The following PRKCB variants were observed in gnomAD, a reference collection of about 807,000 sequenced individuals.
PRKCB encodes the protein protein kinase C beta.
A neutral mutation model predicts 81.5 loss-of-function variants in PRKCB; 13 were observed. That is an observed-to-expected ratio of 0.16 (90% CI 0.10 to 0.25). The LOEUF (loss-of-function observed/expected upper bound fraction) is 0.25, where lower values mean the gene tolerates loss of function less well. Ranked by LOEUF, PRKCB falls within the 10% of genes least tolerant of loss-of-function variation. PRKCB has a pLI of 1.00. For synonymous variants in PRKCB, 335 were observed against 321.4 expected (o/e 1.04, Z -0.45); for missense variants, 509 against 875.7 (o/e 0.58, Z 5.29).
intron 3 of PRKCB, among the ~76,000 whole-genome samples, chr16:24,004,478 C>CAAAAAAAAAAAA (rs71154264): frequency 2.1e-5 from 1 of 47,450 alleles, no homozygotes; most frequent in Admixed American, 2.1e-4. Context: ...CAAGTCTCTA[C>CAAAAAAAAAAAA]AAAAAAAAAA....
rs141235659 is a variant in PRKCB at position 23,900,243 on chromosome 16, G to A, written c.205+62837G>A. ...GAGAAACCTTGATCTAACTGCTTAT[G>A]ACATACCACTTCCATAAAGCCGAGA... On this transcript the variant is annotated intron_variant, in intron 2 of 16. Transcript: ENST00000643927. 1.8e-3 allele frequency among the ~76,000 whole-genome samples: 274 copies of A among 152,230 alleles called. 2 individuals are homozygous for A. The highest frequency in any genetic ancestry group is 6.3e-3 in the African/African-American group (261 of 41,540).
In PRKCB at chr16:23,857,584, C is replaced by A. The variant is rs570450566; in HGVS notation, c.205+20178C>A. On this transcript the variant is annotated intron_variant, in intron 2 of 16. Transcript: ENST00000643927. ...TGGCCTCTCTGTGTTTCCCTTCTGG[C>A]CGTCTCTGATTTGGGGCCCAAGGGC... Among the ~76,000 whole-genome samples, 3 of 152,292 alleles carry A rather than the reference C, an allele frequency of 2.0e-5. No homozygotes were observed. In the East Asian group the frequency reaches 5.8e-4, roughly 29 times the overall value.
intron 2 of PRKCB, among the ~76,000 whole-genome samples, chr16:23,866,972 TC>T (rs1169181856): frequency 2.2e-5 from 2 of 89,128 alleles, no homozygotes; most frequent in African/African-American, 4.7e-5. Flanking sequence ...TTCCTTCCCT[TC>T]CTTCCCTTCC....
intron 10 of PRKCB, among the ~76,000 whole-genome samples, chr16:24,168,675 C>T (rs1207342727): frequency 5.4e-5 from 8 of 148,896 alleles, no homozygotes; most frequent in African/African-American, 1.7e-4. Context: ...CTCAGCCTCC[C>T]GAGTAGCTGG....
At position 24,165,941 on chromosome 16, in the gene PRKCB, C is replaced by T. The variant is rs1290794737; in HGVS notation, c.1240-6329C>T. Among the ~76,000 whole-genome samples the T allele has an allele frequency of 9.8e-5, 13 of 133,186 alleles. No individual in the cohort carries two copies. In the South Asian group the frequency reaches 2.2e-3, roughly 22 times the overall value. 87.4% of individuals were successfully genotyped at this position (133,186 alleles called of 152,430 possible). ...TCTCACTCTTCCCCAGGCTGGAGTG[C>T]AGTGGCATGATCTGGGTTCACTGCA... On this transcript the variant is annotated intron_variant, in intron 10 of 16. Transcript: ENST00000643927.
chr16:24,161,416 C>G (rs1175824558), intron 10 of PRKCB, among the ~76,000 whole-genome samples: 1 of 151,896 alleles, frequency 6.6e-6, no homozygotes, highest in East Asian at 1.9e-4. Flanking sequence ...ATAAACAAAT[C>G]AAAATATTGA....
intron 5 of PRKCB, among the ~76,000 whole-genome samples, chr16:24,068,626 A>G (rs766874503): frequency 1.2e-4 from 18 of 152,210 alleles, no homozygotes; most frequent in Non-Finnish European, 2.4e-4. Context: ...AAGTGGTATG[A>G]TATTAAATAA....
intron 2 of PRKCB, among the ~76,000 whole-genome samples, chr16:23,877,003 G>A (rs893029335): frequency 1.3e-5 from 2 of 152,060 alleles, no homozygotes; most frequent in African/African-American, 4.8e-5. Flanking sequence ...GGGAGGGATG[G>A]ACAGAGATGT....
chr16:24,185,286 A>G, intron 14 of PRKCB, 95 bp downstream of exon 14: 2 of 1,330,440 alleles, frequency 1.5e-6, no homozygotes, highest in South Asian at 2.5e-5. Flanking sequence ...CAGCTCATAA[A>G]TTGGAACCTC....
At chr16:24,191,878 A>G (rs1181187020) in intron 16 of PRKCB, among the ~76,000 whole-genome samples, 1 of 152,224 alleles carries the variant, frequency 6.6e-6, no homozygotes, top group African/African-American at 2.4e-5. Context: ...TACCAACAGG[A>G]AGGTTTTCTA....
chr16:23,964,729 C>T (rs970522343), intron 2 of PRKCB, among the ~76,000 whole-genome samples: 5 of 148,090 alleles, frequency 3.4e-5, no homozygotes, highest in East Asian at 4.0e-4. Flanking sequence ...ACTGCAGTGT[C>T]GCGATCTCAG....
chr16:24,190,685 A>G (rs1967778028), intron 15 of PRKCB, among the ~76,000 whole-genome samples: 1 of 151,748 alleles, frequency 6.6e-6, no homozygotes, highest in Non-Finnish European at 1.5e-5. Context: ...TACCCAGCTA[A>G]TTTTTGTATT....
intron 8 of PRKCB, 115 bp from the exon 9 acceptor site, chr16:24,123,720 A>C (rs1311414693): frequency 9.1e-7 from 1 of 1,096,408 alleles, no homozygotes; most frequent in Non-Finnish European, 1.3e-6. Flanking sequence ...TATGCTTTTC[A>C]TGGGGACAGG....
chr16:24,031,711 A>G (rs1965553116), intron 3 of PRKCB, among the ~76,000 whole-genome samples: 1 of 152,202 alleles, frequency 6.6e-6, no homozygotes, highest in South Asian at 2.1e-4. Context: ...TTTCACATCC[A>G]GACTTGGGTT....
At chr16:24,163,130 C>G (rs1296566260) in intron 10 of PRKCB, among the ~76,000 whole-genome samples, 1 of 152,124 alleles carries the variant, frequency 6.6e-6, no homozygotes, top group Non-Finnish European at 1.5e-5. Context: ...GTGTTTATTC[C>G]TGGCCCAATC....
At chr16:24,049,553 A>G (rs1236554029) in intron 5 of PRKCB, among the ~76,000 whole-genome samples, 2 of 151,158 alleles carry the variant, frequency 1.3e-5, no homozygotes, top group Non-Finnish European at 2.9e-5. Flanking sequence ...ACCCTGGCAC[A>G]TCTGGGACAT....
intron 5 of PRKCB, among the ~76,000 whole-genome samples, chr16:24,070,337 C>T (rs1160819574): frequency 4.0e-5 from 6 of 151,558 alleles, no homozygotes; most frequent in Admixed American, 6.6e-5. Flanking sequence ...TCAGTAGCGA[C>T]GGATTTTTGC....
chr16:24,145,095 C>T (rs1966969273), intron 9 of PRKCB, among the ~76,000 whole-genome samples: 1 of 152,024 alleles, frequency 6.6e-6, no homozygotes. Flanking sequence ...ATTGGAGTGA[C>T]CTGAACAAGA....
At chr16:24,189,266 C>G (rs1411427890) in intron 15 of PRKCB, among the ~76,000 whole-genome samples, 1 of 152,128 alleles carries the variant, frequency 6.6e-6, no homozygotes, top group East Asian at 1.9e-4. Flanking sequence ...GTGTTCATTG[C>G]CTTTTTATTC....
Sources: allele counts gnomAD v4.1 joint callset (sites outside exome capture counted in the v4.1 genomes callset), GRCh38; gene constraint gnomAD v4.1.1; transcripts MANE v1.5; gene names NCBI Gene and HGNC (gene_info 2026-07-23, HGNC 2026-07-21).